GAS2: variants seen among roughly 807,000 people sequenced by gnomAD.
The protein encoded by GAS2 is growth arrest-specific protein 2.
Under a neutral mutation model 37.5 loss-of-function variants are expected in GAS2, and 20 were observed. That is an observed-to-expected ratio of 0.53 (90% CI 0.37 to 0.77). GAS2 has a LOEUF of 0.77. GAS2 is among the 30% of genes least tolerant of loss of function. GAS2 has a pLI of 0.00. For synonymous variants in GAS2, 144 were observed against 132.2 expected, an observed-to-expected ratio of 1.09 and a Z score of -0.61; for missense variants, 336 against 373.4, an observed-to-expected ratio of 0.90 and a Z score of 0.82.
At chr11:22,749,307 G>T (rs1432422849) in intron 6 of GAS2, 46 bp downstream of exon 6, 1 of 1,554,620 alleles carries the variant, frequency 6.4e-7, no homozygotes, top group African/African-American at 1.4e-5. Flanking sequence ...AGTCTTTCTT[G>T]CACTACAAAA....
At chr11:22,655,145 T>A (rs1039171500) in intron 1 of GAS2, among the ~76,000 whole-genome samples, 9 of 152,150 alleles carry the variant, frequency 5.9e-5, no homozygotes, top group Non-Finnish European at 1.3e-4. Context: ...AGACTGTACA[T>A]TTTCAGGCCT....
At chr11:22,749,720 G>C (rs1444468653) in intron 6 of GAS2, among the ~76,000 whole-genome samples, 1 of 152,018 alleles carries the variant, frequency 6.6e-6, no homozygotes, top group Non-Finnish European at 1.5e-5. Flanking sequence ...CTTGAGAAAT[G>C]GAAACATAGA....
In GAS2 at chr11:22,812,193, A is replaced by G. The variant is rs140401991; in HGVS notation, c.*177A>G. On this transcript the variant is annotated 3_prime_UTR_variant, in exon 8 of 8. Coordinates refer to ENST00000454584, the MANE Select transcript of GAS2 (RefSeq NM_001143830.3). ...TTTATTTTTAATGCTTCTGTAGAAT[A>G]TGACCTATTAAAAGAAAATCTAAAC... 1.1e-3 allele frequency: 623 copies of G among 555,912 alleles called. 4 individuals carry two copies. The highest frequency in any genetic ancestry group is 8.2e-3 in the African/African-American group (438 of 53,218). The allele number at this position is 555,912 out of a possible 1,614,324, so 34.4% of individuals were successfully genotyped here. A position where few individuals can be genotyped will look rare whatever the true frequency, so the allele number is the denominator to read the frequency against.
chr11:22,644,384 C>A (rs975749429), intron 1 of GAS2, among the ~76,000 whole-genome samples: 5 of 151,906 alleles, frequency 3.3e-5, no homozygotes, highest in Non-Finnish European at 7.4e-5. Flanking sequence ...TGTAAAAATT[C>A]TTTCCAGTAT....
chr11:22,771,208 T>A (rs1411345978), intron 7 of GAS2, among the ~76,000 whole-genome samples: 13 of 152,130 alleles, frequency 8.5e-5, no homozygotes, highest in Admixed American at 8.5e-4. Flanking sequence ...AACCTAGTAA[T>A]ACAATATTTG....
chr11:22,767,985 CAGG>C (rs1453295824), intron 7 of GAS2, among the ~76,000 whole-genome samples: 14 of 152,164 alleles, frequency 9.2e-5, no homozygotes, highest in Non-Finnish European at 1.6e-4. Context: ...CTGGACCCAG[CAGG>C]CACCTCCTTC....
chr11:22,768,903 A>C (rs1854832424), intron 7 of GAS2, among the ~76,000 whole-genome samples: 1 of 152,204 alleles, frequency 6.6e-6, no homozygotes, highest in Non-Finnish European at 1.5e-5. Flanking sequence ...TAAGAATTTC[A>C]TTCCAGAACC....
At position 22,677,929 on chromosome 11, in the gene GAS2, C is replaced by T. The variant is rs116699065; in HGVS notation, c.145+2915C>T. ...CCCAGTTTGGGGTAGTTGAGACAGA[C>T]ATTAATATATATAAATAAGGAGAAG... is the stretch of plus-strand genomic sequence containing the variant. On this transcript the variant is annotated intron_variant, in intron 2 of 7. Coordinates refer to ENST00000454584, the MANE Select transcript of GAS2 (RefSeq NM_001143830.3). Among the ~76,000 whole-genome samples the T allele has an allele frequency of 5.1e-3, 782 of 152,116 alleles. 8 individuals carry two copies. Among genetic ancestry groups the T allele is most frequent in the African/African-American group, 0.017 (691 of 41,512 alleles).
chr11:22,726,092 A>G (rs1852198152), intron 3 of GAS2, among the ~76,000 whole-genome samples, 200 bp from the exon 4 acceptor site: 1 of 152,246 alleles, frequency 6.6e-6, no homozygotes, highest in African/African-American at 2.4e-5. Flanking sequence ...AAAGAAAAGG[A>G]TATGTGCTTG....
intron 3 of GAS2, among the ~76,000 whole-genome samples, chr11:22,705,788 A>ATGCAAACAGTGAATTTCAAC (rs1175525231): frequency 6.6e-6 from 1 of 152,214 alleles, no homozygotes; most frequent in Non-Finnish European, 1.5e-5. Flanking sequence ...ATTAAAAAGT[A>ATGCAAACAGTGAATTTCAAC]TGCAAACAGT....
chr11:22,761,039 C>T (rs776748791), intron 7 of GAS2, among the ~76,000 whole-genome samples: 1 of 152,002 alleles, frequency 6.6e-6, no homozygotes, highest in Non-Finnish European at 1.5e-5. Flanking sequence ...GCATATTTTT[C>T]GTTAGATGAA....
chr11:22,780,044 T>G (rs1364236951), intron 7 of GAS2, among the ~76,000 whole-genome samples: 1 of 152,246 alleles, frequency 6.6e-6, no homozygotes, highest in Non-Finnish European at 1.5e-5. Flanking sequence ...CCCAGTGTGG[T>G]GTACTCTCTA....
At chr11:22,810,165 T>C (rs191264519) in intron 7 of GAS2, among the ~76,000 whole-genome samples, 2 of 152,232 alleles carry the variant, frequency 1.3e-5, no homozygotes, top group African/African-American at 2.4e-5. Context: ...ATCTACCTAA[T>C]AGATTAAAAT....
At chr11:22,627,658 C>T (rs1858681915) in intron 1 of GAS2, among the ~76,000 whole-genome samples, 1 of 151,820 alleles carries the variant, frequency 6.6e-6, no homozygotes, top group South Asian at 2.1e-4. Flanking sequence ...ACCTGTGATC[C>T]TAGCTAATCG....
chr11:22,705,142 C>G (rs188677439), intron 3 of GAS2, among the ~76,000 whole-genome samples: 1,892 of 151,994 alleles, frequency 0.012, 39 homozygotes, highest in African/African-American at 0.044. Context: ...CTACAAGGCT[C>G]TATATGCACT....
intron 1 of GAS2, among the ~76,000 whole-genome samples, chr11:22,657,201 T>G (rs142348867): frequency 6.6e-6 from 1 of 152,168 alleles, no homozygotes; most frequent in Non-Finnish European, 1.5e-5. Flanking sequence ...TGACACCTGA[T>G]AGTTAAAAGG....
intron 7 of GAS2, among the ~76,000 whole-genome samples, chr11:22,764,327 G>A (rs1564877722): frequency 6.6e-6 from 1 of 152,010 alleles, no homozygotes; most frequent in Non-Finnish European, 1.5e-5. Context: ...TTGGGAGGCC[G>A]AGGCGGGCGG....
At chr11:22,719,144 AT>A (rs1851827583) in intron 3 of GAS2, among the ~76,000 whole-genome samples, 1 of 152,136 alleles carries the variant, frequency 6.6e-6, no homozygotes, top group Non-Finnish European at 1.5e-5. Flanking sequence ...TAATTAAAAT[AT>A]TCATCACTCC....
intron 3 of GAS2, among the ~76,000 whole-genome samples, chr11:22,699,491 G>A (rs930223335): frequency 6.6e-6 from 1 of 152,112 alleles, no homozygotes; most frequent in Non-Finnish European, 1.5e-5. Context: ...AAGTGAAACT[G>A]GATTTGGAGG....
Sources: gnomAD v4.1 joint callset for allele counts (sites outside exome capture counted in the v4.1 genomes callset) on GRCh38, gnomAD v4.1.1 for gene constraint, MANE v1.5 for transcripts, NCBI Gene and HGNC (gene_info 2026-07-23, HGNC 2026-07-21) for gene names.